The following NPR3 variants were observed in gnomAD, a reference collection of about 807,000 sequenced individuals.
The protein encoded by NPR3 is atrial natriuretic peptide receptor 3.
A neutral mutation model predicts 54.5 loss-of-function variants in NPR3; 34 were observed. The observed-to-expected ratio is 0.62, with a 90% CI of 0.47 to 0.83. The LOEUF (loss-of-function observed/expected upper bound fraction) is 0.83. Among genes scored for constraint, NPR3 ranks in the 40% least tolerant of loss-of-function variants. NPR3 has a pLI of 0.00. For synonymous variants in NPR3, 289 were observed against 297.1 expected, an observed-to-expected ratio of 0.97 and a Z score of 0.28; for missense variants, 674 against 720.8, an observed-to-expected ratio of 0.94 and a Z score of 0.74.
intron 3 of NPR3, among the ~76,000 whole-genome samples, chr5:32,763,476 A>ATTTTTT (rs34351463): frequency 1.9e-4 from 25 of 133,810 alleles, no homozygotes; most frequent in African/African-American, 6.4e-4. Flanking sequence ...CGCTCAGCTA[A>ATTTTTT]TTTTTTTTTT....
chr5:32,786,458 A>G lies in NPR3; in HGVS notation c.*113A>G. 1.5e-6 allele frequency: 1 copy of G among 649,574 alleles called. No individual in the cohort carries two copies. The highest frequency in any genetic ancestry group is 2.8e-6 in the Non-Finnish European group (1 of 363,286). The allele number at this position is 649,574 out of a possible 1,614,324, so 40.2% of individuals were successfully genotyped here. ...TCTTGAAGAATTCATAATTTTAAGC[A>G]GTTAGTAATTTCATTTTAAAATTTC... On this transcript the variant is annotated 3_prime_UTR_variant, in exon 8 of 8. Transcript: ENST00000265074.
chr5:32,743,910 A>T (rs1340508538), intron 3 of NPR3, among the ~76,000 whole-genome samples: 1 of 150,666 alleles, frequency 6.6e-6, no homozygotes, highest in East Asian at 1.9e-4. Flanking sequence ...CACTATTCCT[A>T]TGGGTACTAT....
rs200646636 is a variant in NPR3, at chr5:32,759,956, C to T, written c.1060-14752C>T. ...GCCCCCACTCTCTTCTGGCTTGTAG[C>T]GTTTCTGCTGAGAGATTCGCTGTTA... On this transcript the variant is annotated intron_variant, in intron 3 of 7. Coordinates refer to ENST00000265074, the MANE Select transcript of NPR3 (RefSeq NM_001204375.2). Among the ~76,000 whole-genome samples, 11 of 152,106 alleles carry T rather than the reference C, an allele frequency of 7.2e-5. No individual in the cohort carries two copies. The East Asian group carries it at 7.7e-4, about 11-fold the overall frequency.
chr5:32,724,038 A>G (rs1466128543), intron 1 of NPR3, among the ~76,000 whole-genome samples: 1 of 152,206 alleles, frequency 6.6e-6, no homozygotes, highest in Non-Finnish European at 1.5e-5. Context: ...ACCCCTAAAC[A>G]TTCAACTGTG....
intron 4 of NPR3, among the ~76,000 whole-genome samples, chr5:32,779,737 C>A (rs1342202064): frequency 6.6e-6 from 1 of 152,190 alleles, no homozygotes; most frequent in African/African-American, 2.4e-5. Context: ...GGCTCCTCCT[C>A]TGAGTGATGT....
chr5:32,724,124 G>A lies in NPR3; in HGVS notation c.770-574G>A, dbSNP rs763608217. Among the ~76,000 whole-genome samples, 137 of 152,078 alleles carry A rather than the reference G, an allele frequency of 9.0e-4. 2 individuals carry two copies. The highest frequency in any genetic ancestry group is 1.2e-3 in the Admixed American group (18 of 15,274). On this transcript the variant is annotated intron_variant, in intron 1 of 7. Coordinates refer to ENST00000265074, the MANE Select transcript of NPR3 (RefSeq NM_001204375.2). ...AAAAGTAAGAACTTTAACACAAACA[G>A]AATTCTATTATCTAGTGTATGGAAC...
chr5:32,747,949 T>C (rs1740387318), intron 3 of NPR3, among the ~76,000 whole-genome samples: 1 of 152,118 alleles, frequency 6.6e-6, no homozygotes, highest in Non-Finnish European at 1.5e-5. Context: ...AGACAGGGTT[T>C]CATCATGTTG....
intron 2 of NPR3, among the ~76,000 whole-genome samples, chr5:32,731,016 A>G (rs938947318): frequency 6.6e-6 from 1 of 152,136 alleles, no homozygotes; most frequent in Non-Finnish European, 1.5e-5. Flanking sequence ...ATGTCTTTCA[A>G]TTTGGATTTA....
rs139065863 is a variant in NPR3 at position 32,724,750 on chromosome 5, G to A, written c.822G>A (p.Ala274=). The change falls in exon 2 of 8, where the codon GCG becomes GCA. Residue 274 remains alanine, a synonymous_variant. Transcript: ENST00000265074. ...SDTIRSIMLV[A]HRHGMTSGDY... ...CCATCCGGAGCATCATGCTGGTGGC[G>A]CACAGGCATGGCATGACCAGTGGAG... The A allele has an allele frequency of 2.7e-3, 4,431 of 1,613,832 alleles. 9 individuals carry two copies. The highest frequency in any genetic ancestry group is 3.3e-3 in the Non-Finnish European group (3,845 of 1,179,798).
At chr5:32,726,231 C>T (rs1003629556) in intron 2 of NPR3, among the ~76,000 whole-genome samples, 21 of 152,180 alleles carry the variant, frequency 1.4e-4, no homozygotes, top group Admixed American at 7.9e-4. Context: ...ACATACTCCC[C>T]GGTTTCCTGC....
chr5:32,711,784 C>T lies in NPR3; in HGVS notation c.8C>T (p.Ser3Phe). The change falls in exon 1 of 8, where the codon TCT becomes TTT. Residue 3 changes from serine to phenylalanine, a missense_variant. Physicochemically the swap from Ser to Phe is radical, Grantham distance 155. Transcript: ENST00000265074. The stretch of plus-strand genomic sequence containing the variant: ...GCTCTTTCTTGCGGCACGATGCCGT[C>T]TCTGCTGGTGCTCACTTTCTCCCCG... MP[S>F]LLVLTFSPCV... is the part of the protein sequence containing the mutation. The T allele has an allele frequency of 7.0e-7, 1 of 1,424,180 alleles. No homozygotes were observed. The highest frequency in any genetic ancestry group is 9.2e-7 in the Non-Finnish European group (1 of 1,088,186). The allele number at this position is 1,424,180 out of a possible 1,614,324, so 88.2% of individuals were successfully genotyped here.
At chr5:32,713,294 G>GT in intron 1 of NPR3, 4 of 985,422 alleles carry the variant, frequency 4.1e-6, no homozygotes, top group Non-Finnish European at 4.8e-6. Flanking sequence ...CTTTCCACCT[G>GT]TCCCCCAAGT....
At chr5:32,702,878 A>T (rs1422343449) in intron 1 of NPR3, among the ~76,000 whole-genome samples, 1 of 152,190 alleles carries the variant, frequency 6.6e-6, no homozygotes, top group Admixed American at 6.5e-5. Flanking sequence ...AGTCCCACCA[A>T]CAATGTAAAA....
At chr5:32,755,689 T>A (rs766206031) in intron 3 of NPR3, among the ~76,000 whole-genome samples, 35 of 152,002 alleles carry the variant, frequency 2.3e-4, no homozygotes, top group Non-Finnish European at 4.1e-4. Flanking sequence ...CTTAGAAGAG[T>A]GGTTTGGAAA....
At chr5:32,777,858 G>A (rs889247426) in intron 4 of NPR3, among the ~76,000 whole-genome samples, 1 of 152,192 alleles carries the variant, frequency 6.6e-6, no homozygotes, top group Non-Finnish European at 1.5e-5. Flanking sequence ...GGATAATTCA[G>A]GGGGCATATT....
chr5:32,785,602 G>A (rs759600373), intron 7 of NPR3, among the ~76,000 whole-genome samples: 8 of 152,176 alleles, frequency 5.3e-5, no homozygotes, highest in Non-Finnish European at 1.0e-4. Context: ...AAGAGGAGGA[G>A]GGAGCTTTGC....
chr5:32,771,247 T>C (rs1579690409), intron 3 of NPR3, among the ~76,000 whole-genome samples: 1 of 152,118 alleles, frequency 6.6e-6, no homozygotes, highest in African/African-American at 2.4e-5. Flanking sequence ...TCCCCCGCAG[T>C]GGGCGGGGTG....
chr5:32,774,181 A>C (rs1741915150), intron 3 of NPR3, among the ~76,000 whole-genome samples: 1 of 152,242 alleles, frequency 6.6e-6, no homozygotes, highest in Non-Finnish European at 1.5e-5. Flanking sequence ...CTAGGCAGAC[A>C]GGCAGAAGTT....
intron 3 of NPR3, among the ~76,000 whole-genome samples, chr5:32,749,668 T>A (rs1740476753): frequency 6.6e-6 from 1 of 152,216 alleles, no homozygotes; most frequent in Non-Finnish European, 1.5e-5. Context: ...CTGCCCTATA[T>A]TCTTGGGGCC....
Sources: allele counts gnomAD v4.1 joint callset (sites outside exome capture counted in the v4.1 genomes callset), GRCh38; gene constraint gnomAD v4.1.1; transcripts MANE v1.5; gene names NCBI Gene and HGNC (gene_info 2026-07-23, HGNC 2026-07-21).